Variants in CCDC171 observed in about 807,000 individuals in gnomAD.
CCDC171 encodes coiled-coil domain-containing protein 171.
A neutral mutation model predicts 168.2 loss-of-function variants in CCDC171; 177 were observed. The ratio of observed to expected loss-of-function variants is 1.05; its 90% CI spans 0.93 to 1.19. The LOEUF is 1.19. Among genes scored for constraint, CCDC171 ranks in the 50% most tolerant of loss-of-function variants. The probability of loss-of-function intolerance (pLI) is 0.00; values close to 1 mark genes in which losing one functional copy is unlikely to be tolerated. For missense variants in CCDC171, 1,991 were observed against 1,539.0 expected, an observed-to-expected ratio of 1.29 and a Z score of -4.91; for synonymous variants, 687 against 540.8, an observed-to-expected ratio of 1.27 and a Z score of -3.75.
chr9:16,100,969 G>A, the CCDC171 span, among the ~76,000 whole-genome samples: 1 of 152,180 alleles, frequency 6.6e-6, no homozygotes, highest in Non-Finnish European at 1.5e-5. Context: ...GACCTCTGTG[G>A]CCTGTTGCTG....
intron 3 of CCDC171, among the ~76,000 whole-genome samples, chr9:16,007,105 C>T (rs1006451331): frequency 1.3e-5 from 2 of 152,196 alleles, no homozygotes; most frequent in African/African-American, 2.4e-5. Context: ...TGTTTCCTGA[C>T]TTTTTAATGA....
chr9:15,623,719 T>C (rs1265434794), intron 7 of CCDC171, among the ~76,000 whole-genome samples: 1 of 152,152 alleles, frequency 6.6e-6, no homozygotes, highest in Non-Finnish European at 1.5e-5. Flanking sequence ...AGTAATTGTT[T>C]ACATTATTAG....
At chr9:15,721,716 T>C (rs1383769793) in intron 11 of CCDC171, 53 bp from the exon 12 acceptor site, 2 of 1,003,596 alleles carry the variant, frequency 2.0e-6, no homozygotes, top group Non-Finnish European at 2.8e-6. Context: ...TTTGCCTAAG[T>C]TTTGTCCCTT....
At chr9:16,069,778 C>G in the CCDC171 span, among the ~76,000 whole-genome samples, 4 of 152,314 alleles carry the variant, frequency 2.6e-5, no homozygotes, top group African/African-American at 4.8e-5. Context: ...CACACCCCCA[C>G]TCGGGTCATT....
intron 6 of CCDC171, among the ~76,000 whole-genome samples, chr9:16,026,367 C>T (rs758125600): frequency 2.6e-5 from 4 of 152,106 alleles, no homozygotes; most frequent in Non-Finnish European, 5.9e-5. Flanking sequence ...TCCAGACTAC[C>T]CCTCCCTGGA....
chr9:16,083,105 A>G, the CCDC171 span, among the ~76,000 whole-genome samples: 1 of 152,230 alleles, frequency 6.6e-6, no homozygotes, highest in Non-Finnish European at 1.5e-5. Context: ...TTTGTCATTA[A>G]AAGAATGACA....
intron 24 of CCDC171, among the ~76,000 whole-genome samples, chr9:15,904,283 C>T (rs1386648042): frequency 2.6e-5 from 4 of 152,130 alleles, no homozygotes; most frequent in African/African-American, 7.2e-5. Flanking sequence ...AGAGAAAGGT[C>T]GGGTTGCCCA....
chr9:15,836,249 A>G (rs1046051017), intron 21 of CCDC171, among the ~76,000 whole-genome samples: 1 of 152,206 alleles, frequency 6.6e-6, no homozygotes, highest in African/African-American at 2.4e-5. Flanking sequence ...CACATTATGC[A>G]TATTCATCAT....
intron 21 of CCDC171, among the ~76,000 whole-genome samples, chr9:15,796,193 A>G (rs1335769056): frequency 1.3e-5 from 2 of 152,232 alleles, no homozygotes; most frequent in African/African-American, 2.4e-5. Flanking sequence ...ACATGAAAAT[A>G]TAGTCATGGA....
chr9:15,617,620 C>T (rs553369581), intron 6 of CCDC171, among the ~76,000 whole-genome samples: 33 of 152,290 alleles, frequency 2.2e-4, no homozygotes, highest in Admixed American at 7.2e-4. Context: ...TCCTGATCCA[C>T]CCGCCTCGGC....
intron 9 of CCDC171, among the ~76,000 whole-genome samples, chr9:15,670,554 T>C (rs902636060): frequency 6.6e-6 from 1 of 152,142 alleles, no homozygotes; most frequent in Non-Finnish European, 1.5e-5. Flanking sequence ...TGCCATTTTT[T>C]TCAGTTTCTA....
At chr9:15,812,915 G>A (rs1055327125) in intron 21 of CCDC171, among the ~76,000 whole-genome samples, 22 of 152,296 alleles carry the variant, frequency 1.4e-4, no homozygotes, top group African/African-American at 5.1e-4. Context: ...TGTACTATGA[G>A]GACCTACATT....
chr9:15,790,066 G>C (rs2058175809), intron 21 of CCDC171, among the ~76,000 whole-genome samples: 1 of 152,162 alleles, frequency 6.6e-6, no homozygotes, highest in Non-Finnish European at 1.5e-5. Flanking sequence ...ACATACGTGT[G>C]CATGTGTGTT....
chr9:15,804,225 C>T (rs544232057), intron 21 of CCDC171, among the ~76,000 whole-genome samples: 1 of 152,138 alleles, frequency 6.6e-6, no homozygotes, highest in Non-Finnish European at 1.5e-5. Flanking sequence ...TTATTTATTT[C>T]TTTGTCTTGC....
chr9:15,903,504 C>G (rs1190921125), intron 24 of CCDC171, among the ~76,000 whole-genome samples: 1 of 151,898 alleles, frequency 6.6e-6, no homozygotes, highest in East Asian at 1.9e-4. Context: ...ACAGAAAGGA[C>G]ATCCACACCA....
chr9:15,833,172 A>C (rs959687291), intron 21 of CCDC171, among the ~76,000 whole-genome samples: 1 of 151,912 alleles, frequency 6.6e-6, no homozygotes, highest in African/African-American at 2.4e-5. Flanking sequence ...TGTACTTTTT[A>C]GTAGACACAG....
At chr9:15,965,320 G>C (rs1354648708) in intron 25 of CCDC171, among the ~76,000 whole-genome samples, 3 of 152,092 alleles carry the variant, frequency 2.0e-5, no homozygotes, top group Non-Finnish European at 4.4e-5. Context: ...GAGGTTTGTT[G>C]AGCCCTTATT....
the CCDC171 span, among the ~76,000 whole-genome samples, chr9:16,084,627 C>G: frequency 6.6e-6 from 1 of 152,194 alleles, no homozygotes; most frequent in South Asian, 2.1e-4. Flanking sequence ...GGCGCCTCCT[C>G]AAACTTCCTA....
chr9:15,578,847 A>C lies in CCDC171; in HGVS notation c.178-2A>C. The C allele has an allele frequency of 1.9e-6, 3 of 1,611,046 alleles. No individual in the cohort carries two copies. The highest frequency in any genetic ancestry group is 2.5e-6 in the Non-Finnish European group (3 of 1,178,556). On this transcript the variant is annotated splice_acceptor_variant, in intron 3 of 25. Transcript: ENST00000380701. LOFTEE classifies it high-confidence loss of function. ...ATGTTGATATCAGGAATCTGTTTTT[A>C]GCTGGCAAGCTATGAGAGCCAGATT...
Sources: allele counts gnomAD v4.1 joint callset (sites outside exome capture counted in the v4.1 genomes callset), GRCh38; gene constraint gnomAD v4.1.1; transcripts MANE v1.5; gene names NCBI Gene and HGNC (gene_info 2026-07-23, HGNC 2026-07-21).